The following SHISA6 variants were observed in gnomAD, a reference collection of about 807,000 sequenced individuals.
The protein encoded by SHISA6 is protein shisa-6.
In SHISA6, 22 loss-of-function variants were observed where a neutral mutation model predicts 47.9. That is an observed-to-expected ratio of 0.46 (90% CI 0.33 to 0.66). The LOEUF (loss-of-function observed/expected upper bound fraction) is 0.66. Ranked by LOEUF, SHISA6 falls within the 30% of genes least tolerant of loss-of-function variation. SHISA6 has a pLI of 0.02. For missense variants in SHISA6, 680 were observed against 764.6 expected, an observed-to-expected ratio of 0.89 and a Z score of 1.30; for synonymous variants, 388 against 337.8, an observed-to-expected ratio of 1.15 and a Z score of -1.63.
chr17:11,270,725 T>C (rs1908608682), intron 2 of SHISA6, among the ~76,000 whole-genome samples: 1 of 152,228 alleles, frequency 6.6e-6, no homozygotes, highest in Admixed American at 6.5e-5. Flanking sequence ...CGGGCAGGGT[T>C]TGGCCTGTGG....
At chr17:11,338,695 C>T (rs746623905) in intron 2 of SHISA6, among the ~76,000 whole-genome samples, 56 of 152,002 alleles carry the variant, frequency 3.7e-4, no homozygotes, top group Non-Finnish European at 2.4e-4. Flanking sequence ...GCATTACAGG[C>T]GTGAGCCACT....
intron 3 of SHISA6, among the ~76,000 whole-genome samples, chr17:11,413,989 A>C (rs938027909): frequency 2.0e-5 from 3 of 150,906 alleles, no homozygotes; most frequent in Non-Finnish European, 3.0e-5. Flanking sequence ...GGGGACTTTT[A>C]TTCTTTCCCT....
chr17:11,515,962 C>A (rs533950850), intron 3 of SHISA6, among the ~76,000 whole-genome samples: 1 of 152,290 alleles, frequency 6.6e-6, no homozygotes, highest in African/African-American at 2.4e-5. Flanking sequence ...TCTTTACAAG[C>A]ATCTCTCTCT....
At chr17:11,273,456 G>A (rs533015513) in intron 2 of SHISA6, among the ~76,000 whole-genome samples, 28 of 152,330 alleles carry the variant, frequency 1.8e-4, no homozygotes, top group African/African-American at 6.0e-4. Flanking sequence ...GCTCCAGGTC[G>A]GACCACCTTG....
intron 2 of SHISA6, among the ~76,000 whole-genome samples, chr17:11,277,101 T>C (rs1236883471): frequency 1.3e-5 from 2 of 152,102 alleles, no homozygotes; most frequent in Non-Finnish European, 2.9e-5. Context: ...TGAGAGGTCT[T>C]ACCCAAAGGA....
At chr17:11,354,755 CT>C (rs1182171239) in intron 2 of SHISA6, among the ~76,000 whole-genome samples, 3 of 152,152 alleles carry the variant, frequency 2.0e-5, no homozygotes, top group African/African-American at 7.2e-5. Flanking sequence ...CCCCCACCCC[CT>C]ATCCTCAGTC....
At chr17:11,355,350 A>C (rs1362812965) in intron 2 of SHISA6, among the ~76,000 whole-genome samples, 2 of 152,242 alleles carry the variant, frequency 1.3e-5, no homozygotes, top group African/African-American at 4.8e-5. Context: ...TACCTTGTAC[A>C]TAGGTCTCCA....
At chr17:11,506,766 T>C (rs2071502182) in intron 3 of SHISA6, among the ~76,000 whole-genome samples, 1 of 152,186 alleles carries the variant, frequency 6.6e-6, no homozygotes. Context: ...GCTTAAAACG[T>C]GACTCAGACC....
rs201431124 is a variant in SHISA6, at chr17:11,333,687, G to C, written c.800-45727G>C. Among the ~76,000 whole-genome samples the C allele has an allele frequency of 2.6e-5, 4 of 151,884 alleles. No individual in the cohort carries two copies. The East Asian group carries it at 7.8e-4, about 29-fold the overall frequency. The stretch of plus-strand genomic sequence containing the variant: ...ATGCCACCATTCCCGGCTAATTTTT[G>C]TATTTTTAGTAGAGATGGGGTTTCA... On this transcript the variant is annotated intron_variant, in intron 2 of 5. Transcript: ENST00000441885.
chr17:11,551,831 T>A, intron 3 of SHISA6, 65 bp from the exon 4 acceptor site: 1 of 1,352,938 alleles, frequency 7.4e-7, no homozygotes. Context: ...AGAGATGCTG[T>A]TATGTTGGAG....
intron 3 of SHISA6, among the ~76,000 whole-genome samples, chr17:11,480,805 G>T (rs1261702287): frequency 6.6e-6 from 1 of 152,148 alleles, no homozygotes; most frequent in African/African-American, 2.4e-5. Context: ...CACCATCCAG[G>T]ATAGAAGATA....
At chr17:11,428,834 G>C (rs1361100766) in intron 3 of SHISA6, among the ~76,000 whole-genome samples, 3 of 148,584 alleles carry the variant, frequency 2.0e-5, no homozygotes, top group Non-Finnish European at 4.4e-5. Flanking sequence ...GCCCAGGCTG[G>C]AGTGCAGTGG....
At chr17:11,389,019 A>G (rs1458385793) in intron 3 of SHISA6, among the ~76,000 whole-genome samples, 2 of 151,898 alleles carry the variant, frequency 1.3e-5, no homozygotes, top group Admixed American at 6.6e-5. Context: ...GTGACTCCTC[A>G]GTATGGCCCA....
chr17:11,312,534 C>T (rs898599649), intron 2 of SHISA6, among the ~76,000 whole-genome samples: 1 of 152,120 alleles, frequency 6.6e-6, no homozygotes, highest in African/African-American at 2.4e-5. Context: ...CACTCACCTC[C>T]TTTTTTACTC....
intron 3 of SHISA6, among the ~76,000 whole-genome samples, chr17:11,515,106 G>C (rs2071571845): frequency 6.6e-6 from 1 of 152,002 alleles, no homozygotes; most frequent in Non-Finnish European, 1.5e-5. Flanking sequence ...GAGGACCCAG[G>C]ATTCCCCTAA....
intron 2 of SHISA6, among the ~76,000 whole-genome samples, chr17:11,265,750 C>CT (rs1335081855): frequency 1.3e-5 from 2 of 152,162 alleles, no homozygotes; most frequent in African/African-American, 2.4e-5. Context: ...GTCTCATTCT[C>CT]AAGCGAGCTG....
chr17:11,527,572 C>T (rs2142368477), intron 3 of SHISA6, among the ~76,000 whole-genome samples: 1 of 152,166 alleles, frequency 6.6e-6, no homozygotes, highest in East Asian at 1.9e-4. Flanking sequence ...CATGAAAAAA[C>T]TGGTTTGTCT....
chr17:11,403,134 G>GACTTCA (rs1913836182), intron 3 of SHISA6, among the ~76,000 whole-genome samples: 1 of 152,182 alleles, frequency 6.6e-6, no homozygotes, highest in Non-Finnish European at 1.5e-5. Context: ...ATATCCCTAA[G>GACTTCA]ACTTCATAAT....
At chr17:11,332,237 G>C (rs573913709) in intron 2 of SHISA6, among the ~76,000 whole-genome samples, 3 of 20,214 alleles carry the variant, frequency 1.5e-4, no homozygotes, top group African/African-American at 2.8e-4. Flanking sequence ...AAGCGCCAGC[G>C]TTGGGGAAAA....
Sources: allele counts gnomAD v4.1 joint callset (sites outside exome capture counted in the v4.1 genomes callset), GRCh38; gene constraint gnomAD v4.1.1; transcripts MANE v1.5; gene names NCBI Gene and HGNC (gene_info 2026-07-23, HGNC 2026-07-21).